The following FAXDC2 variants were observed in gnomAD, a reference collection of about 807,000 sequenced individuals.
The protein encoded by FAXDC2 is fatty acid hydroxylase domain-containing protein 2.
FAXDC2 carries 41 observed loss-of-function variants against 40.9 expected under a neutral mutation model. That is an observed-to-expected ratio of 1.00 (90% confidence interval 0.78 to 1.30). FAXDC2 has a LOEUF of 1.30. Ranked by LOEUF, FAXDC2 falls within the 50% of genes most tolerant of loss-of-function variation. The probability of loss-of-function intolerance (pLI) is 0.00; values close to 1 mark genes in which losing one functional copy is unlikely to be tolerated. For missense variants in FAXDC2, 390 were observed against 408.8 expected (o/e 0.95, Z 0.40); for synonymous variants, 157 against 149.3 (o/e 1.05, Z -0.38).
chr5:154,848,877 G>C (rs1472661019), intron 1 of FAXDC2, among the ~76,000 whole-genome samples: 1 of 152,098 alleles, frequency 6.6e-6, no homozygotes, highest in South Asian at 2.1e-4. Flanking sequence ...TGAGACAGGA[G>C]AATCGCTTGA....
chr5:154,823,185 A>T (rs1233448813), intron 6 of FAXDC2: 5 of 563,236 alleles, frequency 8.9e-6, no homozygotes, highest in South Asian at 6.2e-5. Flanking sequence ...CTAATTTTTT[A>T]AATTTTTTTG....
intron 5 of FAXDC2, among the ~76,000 whole-genome samples, chr5:154,826,965 G>C (rs1001315652): frequency 6.6e-6 from 1 of 152,138 alleles, no homozygotes; most frequent in Non-Finnish European, 1.5e-5. Context: ...TCAACCTTCT[G>C]TATGTATTTT....
At chr5:154,844,390 A>G (rs962212349) in intron 1 of FAXDC2, among the ~76,000 whole-genome samples, 32 of 151,980 alleles carry the variant, frequency 2.1e-4, no homozygotes, top group African/African-American at 7.0e-4. Flanking sequence ...TCCAAAAAAA[A>G]AAAAAAAGAA....
chr5:154,843,010 C>A (rs1760517954), intron 1 of FAXDC2, among the ~76,000 whole-genome samples: 1 of 152,126 alleles, frequency 6.6e-6, no homozygotes, highest in Non-Finnish European at 1.5e-5. Context: ...TCAAAAGAAA[C>A]ACCTCAACTT....
rs753996084 is a variant in FAXDC2 at position 154,834,728 on chromosome 5, C to A, written c.141G>T (p.Trp47Cys). 1.9e-6 allele frequency: 3 copies of A among 1,613,352 alleles called. No homozygotes were observed. The highest frequency in any genetic ancestry group is 2.5e-6 in the Non-Finnish European group (3 of 1,179,716). The change falls in exon 4 of 9, where the codon TGG (tryptophan) becomes TGT (cysteine). Residue 47 changes from tryptophan (W) to cysteine (C), a missense_variant and splice_region_variant. Transcript: ENST00000326080. ...SFVAFWNSVT[W>C]HLQRFWGASG... is the part of the protein sequence containing the mutation. ...AAGCACCCCAAAATCTCTGAAGATG[C>A]CTTGGAAAAAAAACCAGGTTTCTGG...
intron 5 of FAXDC2, chr5:154,830,546 C>T (rs1055768869): frequency 5.4e-6 from 2 of 373,626 alleles, no homozygotes; most frequent in South Asian, 8.0e-5. Flanking sequence ...TGCCATGGGG[C>T]ACCACAGGCA....
chr5:154,826,443 C>T (rs1465381331), intron 5 of FAXDC2, among the ~76,000 whole-genome samples: 4 of 150,510 alleles, frequency 2.7e-5, no homozygotes, highest in South Asian at 2.1e-4. Context: ...GCAGGAGAAT[C>T]GCTTGAACCC....
intron 1 of FAXDC2, among the ~76,000 whole-genome samples, chr5:154,840,381 C>T (rs951161985): frequency 1.3e-5 from 2 of 152,052 alleles, no homozygotes; most frequent in Non-Finnish European, 2.9e-5. Context: ...ACCCATGAAC[C>T]CTTTTTTTTA....
chr5:154,824,477 C>T (rs1353894082), intron 5 of FAXDC2: 1 of 702,426 alleles, frequency 1.4e-6, no homozygotes. Flanking sequence ...TCCAGCCTTT[C>T]CAGGCACTGC....
intron 2 of FAXDC2, among the ~76,000 whole-genome samples, chr5:154,835,613 C>G (rs1344295388): frequency 1.3e-5 from 2 of 152,134 alleles, no homozygotes; most frequent in Non-Finnish European, 2.9e-5. Flanking sequence ...CAGAGTCTCG[C>G]TCTGTCGCCC....
intron 1 of FAXDC2, among the ~76,000 whole-genome samples, chr5:154,842,988 A>G (rs571754011): frequency 6.6e-6 from 1 of 152,312 alleles, no homozygotes; most frequent in South Asian, 2.1e-4. Flanking sequence ...TTTAATGACA[A>G]GGAACCAACT....
At chr5:154,841,114 C>T (rs1422499602) in intron 1 of FAXDC2, among the ~76,000 whole-genome samples, 1 of 151,032 alleles carries the variant, frequency 6.6e-6, no homozygotes, top group Non-Finnish European at 1.5e-5. Context: ...TTTGGTGTGG[C>T]GTAGGCCTAA....
intron 5 of FAXDC2, 55 bp downstream of exon 5, chr5:154,830,744 AGT>A: frequency 6.2e-7 from 1 of 1,605,338 alleles, no homozygotes; most frequent in Non-Finnish European, 8.5e-7. Context: ...GAATTCTGAG[AGT>A]GTGGCTTTGG....
chr5:154,823,419 C>T lies in FAXDC2; in HGVS notation c.540G>A (p.Leu180=), dbSNP rs1759936660. ...AATAGTAGAACAAGACTTCCTCGAT[C>T]AGCGTGAAGATGGCCAGCTCCAGGA... ...WFLLELAIFT[L]IEEVLFYYSH... Residue 180 remains leucine, a synonymous_variant, in exon 6 of 9, where the codon CTG becomes CTA. Transcript: ENST00000326080. 2.5e-6 allele frequency: 4 copies of T among 1,613,834 alleles called. No individual in the cohort carries two copies. In the South Asian group the frequency reaches 3.3e-5, roughly 13 times the overall value.
chr5:154,848,919 A>G (rs939000837), intron 1 of FAXDC2, among the ~76,000 whole-genome samples: 24 of 151,866 alleles, frequency 1.6e-4, no homozygotes, highest in African/African-American at 5.6e-4. Context: ...GTGAGCCAAG[A>G]TCATGCCACT....
intron 1 of FAXDC2, among the ~76,000 whole-genome samples, 163 bp downstream of exon 1, chr5:154,850,320 C>G (rs1760698325): frequency 6.6e-6 from 1 of 152,222 alleles, no homozygotes; most frequent in Admixed American, 6.5e-5. Context: ...AATTCTAACC[C>G]TGCCATCTAA....
Position 154,823,477 on chromosome 5 carries a change from C to T in FAXDC2, c.482G>A (p.Cys161Tyr), listed in dbSNP as rs962748521. The change falls in exon 6 of 9, where the codon TGC (cysteine) becomes TAC (tyrosine). Residue 161 changes from cysteine to tyrosine, a missense_variant. Transcript: ENST00000326080. Reference protein sequence around the residue: ...YPFLKWWRDPCRRELPTFHWF... With the variant: ...YPFLKWWRDPYRRELPTFHWF... ...GTGGAAGGTGGGTAGCTCACGGCGG[C>T]AGGGGTCTCTCCACCATTTGAGGAA... 1.9e-6 allele frequency: 3 copies of T among 1,614,170 alleles called. No individual in the cohort carries two copies. Among genetic ancestry groups the T allele is most frequent in the Non-Finnish European group, 2.5e-6 (3 of 1,180,022 alleles).
At chr5:154,849,545 C>T (rs1002697848) in intron 1 of FAXDC2, among the ~76,000 whole-genome samples, 5 of 152,106 alleles carry the variant, frequency 3.3e-5, no homozygotes, top group South Asian at 2.1e-4. Flanking sequence ...AAGAGATACA[C>T]GAATCAAAAG....
chr5:154,845,361 C>G (rs1027412785), intron 1 of FAXDC2, among the ~76,000 whole-genome samples: 4 of 152,228 alleles, frequency 2.6e-5, no homozygotes, highest in Non-Finnish European at 4.4e-5. Flanking sequence ...GCAAATAAAA[C>G]TAGCAACAAC....
Sources: gnomAD v4.1 joint callset for allele counts (sites outside exome capture counted in the v4.1 genomes callset) on GRCh38, gnomAD v4.1.1 for gene constraint, MANE v1.5 for transcripts, NCBI Gene and HGNC (gene_info 2026-07-23, HGNC 2026-07-21) for gene names.